FAM53B: variants seen among roughly 807,000 people sequenced by gnomAD.
FAM53B encodes family with sequence similarity 53 member B.
A neutral mutation model predicts 32.7 loss-of-function variants in FAM53B; 12 were observed. That is an observed-to-expected ratio of 0.37 (90% CI 0.24 to 0.59). FAM53B has a LOEUF of 0.59. FAM53B is among the 20% of genes least tolerant of loss of function. FAM53B has a pLI of 0.72. For synonymous variants in FAM53B, 234 were observed against 228.7 expected (o/e 1.02, Z -0.21); for missense variants, 477 against 577.7 (o/e 0.83, Z 1.79).
chr10:124,626,245 T>C (rs1949349480), intron 4 of FAM53B, among the ~76,000 whole-genome samples: 1 of 152,254 alleles, frequency 6.6e-6, no homozygotes, highest in South Asian at 2.1e-4. Context: ...ACAGCGCTTG[T>C]CTGTGCTCAC....
chr10:124,696,258 C>A, intron 2 of FAM53B, 46 bp from the exon 3 acceptor site: 1 of 1,496,284 alleles, frequency 6.7e-7, no homozygotes, highest in Non-Finnish European at 9.3e-7. Flanking sequence ...TCATAGGAAG[C>A]ATGTTTGCAC....
At position 124,622,843 on chromosome 10, in the gene FAM53B, T is replaced by C. The variant is rs544006865; in HGVS notation, c.*399A>G. On this transcript the variant is annotated 3_prime_UTR_variant, in exon 5 of 5. Transcript: ENST00000337318. ...GGGCCCTGACATAGCAGATGGCCCCTGGCCCCCACCCCAGGCCCTCCCTGA... is the reference window on the plus strand; with the variant it reads ...GGGCCCTGACATAGCAGATGGCCCCCGGCCCCCACCCCAGGCCCTCCCTGA... The C allele has an allele frequency of 8.3e-4, 146 of 176,104 alleles. No individual in the cohort carries two copies. The highest frequency in any genetic ancestry group is 3.1e-3 in the African/African-American group (132 of 42,278). 10.9% of individuals were successfully genotyped at this position (176,104 alleles called of 1,614,324 possible). A position where few individuals can be genotyped will look rare whatever the true frequency, so the allele number is the denominator to read the frequency against.
At chr10:124,717,413 G>A (rs1458872593) in intron 1 of FAM53B, among the ~76,000 whole-genome samples, 1 of 152,236 alleles carries the variant, frequency 6.6e-6, no homozygotes, top group African/African-American at 2.4e-5. Context: ...AGAAAGGACA[G>A]TAAGCTGATG....
intron 3 of FAM53B, among the ~76,000 whole-genome samples, chr10:124,694,680 G>A (rs910566211): frequency 6.6e-6 from 1 of 152,228 alleles, no homozygotes; most frequent in African/African-American, 2.4e-5. Flanking sequence ...CAGGAAGCAG[G>A]CGAGGAGGCA....
intron 4 of FAM53B, among the ~76,000 whole-genome samples, chr10:124,627,131 G>A (rs1191313296): frequency 6.6e-6 from 1 of 152,250 alleles, no homozygotes; most frequent in African/African-American, 2.4e-5. Context: ...ACCACCCACT[G>A]TTTGCCCCAG....
At chr10:124,662,685 A>C (rs1949642438) in intron 4 of FAM53B, among the ~76,000 whole-genome samples, 1 of 152,178 alleles carries the variant, frequency 6.6e-6, no homozygotes, top group Admixed American at 6.5e-5. Context: ...TTAGCCTGGC[A>C]TACTGGCATG....
intron 4 of FAM53B, among the ~76,000 whole-genome samples, chr10:124,649,031 G>A (rs1350912373): frequency 6.6e-6 from 1 of 152,262 alleles, no homozygotes; most frequent in Non-Finnish European, 1.5e-5. Context: ...CCAAAGGCAG[G>A]CAACAGCAGC....
In FAM53B at chr10:124,694,746, C is replaced by T. The variant is rs114797423; in HGVS notation, c.133+1412G>A. Among the ~76,000 whole-genome samples, 638 of 152,274 alleles carry T rather than the reference C, an allele frequency of 4.2e-3. 10 individuals are homozygous for T. Among genetic ancestry groups the T allele is most frequent in the African/African-American group, 0.014 (598 of 41,548 alleles). ...GGGTTTGCTGAAAGCTGTAAACCAC[C>T]GGGGAGGTATTCAATCCTGTGGGGA... On this transcript the variant is annotated intron_variant, in intron 3 of 4. Transcript: ENST00000337318.
chr10:124,695,788 A>C (rs1345483877), intron 3 of FAM53B, among the ~76,000 whole-genome samples: 1 of 152,264 alleles, frequency 6.6e-6, no homozygotes, highest in Admixed American at 6.5e-5. Context: ...AATGGGCTAT[A>C]TAAAAAATGC....
chr10:124,661,145 A>G (rs1158770993), intron 4 of FAM53B, among the ~76,000 whole-genome samples: 2 of 151,438 alleles, frequency 1.3e-5, no homozygotes, highest in East Asian at 1.9e-4. Flanking sequence ...GACAGCTGTC[A>G]CCACTCCTGG....
intron 2 of FAM53B, among the ~76,000 whole-genome samples, chr10:124,697,219 T>G (rs1293399253): frequency 1.3e-5 from 2 of 152,128 alleles, no homozygotes; most frequent in East Asian, 3.9e-4. Context: ...CGGGCTGTGC[T>G]GGGGGTTGAT....
intron 4 of FAM53B, among the ~76,000 whole-genome samples, chr10:124,672,676 C>T (rs1453852340): frequency 3.9e-5 from 6 of 152,326 alleles, no homozygotes; most frequent in Non-Finnish European, 7.3e-5. Context: ...GTTCAGAATG[C>T]GCAGCCACTT....
chr10:124,733,216 G>A lies in FAM53B; in HGVS notation c.-175+10797C>T, dbSNP rs1950155328. ...CCAAAGCTAAGATGGGCTGCTAACT[G>A]CAGTTCCGCCTCCACCTCTGCACAG... On this transcript the variant is annotated intron_variant, in intron 1 of 4. Transcript: ENST00000337318. The surrounding 1 kb of genome is among the most constrained non-coding windows in gnomAD (Gnocchi z 4.3). Among the ~76,000 whole-genome samples the A allele has an allele frequency of 6.6e-6, 1 of 152,214 alleles. No homozygotes were observed. Among genetic ancestry groups the A allele is most frequent in the Non-Finnish European group, 1.5e-5 (1 of 68,040 alleles).
intron 1 of FAM53B, among the ~76,000 whole-genome samples, chr10:124,729,698 T>C (rs1330478311): frequency 5.3e-5 from 8 of 152,216 alleles, no homozygotes; most frequent in African/African-American, 1.2e-4. Flanking sequence ...TGGACTGGAC[T>C]CCTGACTGTA....
intron 1 of FAM53B, among the ~76,000 whole-genome samples, chr10:124,708,609 G>GC: frequency 6.6e-6 from 1 of 152,256 alleles, no homozygotes; most frequent in Non-Finnish European, 1.5e-5. Flanking sequence ...ATGCCTGTCA[G>GC]CCCCCACTGC....
At chr10:124,705,914 C>T (rs918220737) in intron 2 of FAM53B, among the ~76,000 whole-genome samples, 20 of 152,204 alleles carry the variant, frequency 1.3e-4, no homozygotes, top group Non-Finnish European at 1.8e-4. Context: ...TTCCTGATCA[C>T]GGAAGCTGCA....
intron 4 of FAM53B, among the ~76,000 whole-genome samples, chr10:124,648,409 G>T (rs1454981236): frequency 6.6e-6 from 1 of 152,234 alleles, no homozygotes; most frequent in East Asian, 1.9e-4. Context: ...GATGGGCTGC[G>T]GCCTGCTGTG....
chr10:124,707,019 G>A (rs1949964115), intron 1 of FAM53B, 132 bp from the exon 2 acceptor site: 2 of 770,902 alleles, frequency 2.6e-6, no homozygotes, highest in East Asian at 4.4e-5. Flanking sequence ...TGCACTCTGG[G>A]AGAGTCACCA....
At chr10:124,728,901 G>C (rs983562957) in intron 1 of FAM53B, among the ~76,000 whole-genome samples, 1 of 152,220 alleles carries the variant, frequency 6.6e-6, no homozygotes, top group Non-Finnish European at 1.5e-5. Context: ...AAACTAGGTG[G>C]TGAGGAGAAA....
Sources: allele counts gnomAD v4.1 joint callset (sites outside exome capture counted in the v4.1 genomes callset), GRCh38; gene constraint gnomAD v4.1.1; non-coding constraint Gnocchi (gnomAD v3.1); transcripts MANE v1.5; gene names NCBI Gene and HGNC (gene_info 2026-07-23, HGNC 2026-07-21).